Variants in STX6 observed in about 807,000 individuals in gnomAD.
The protein encoded by STX6 is syntaxin-6.
Under a neutral mutation model 38.0 loss-of-function variants are expected in STX6, and 23 were observed. That is an observed-to-expected ratio of 0.60 (90% CI 0.43 to 0.86). The LOEUF (loss-of-function observed/expected upper bound fraction) is 0.86, where lower values mean the gene tolerates loss of function less well. STX6 is among the 40% of genes least tolerant of loss of function. The probability of loss-of-function intolerance (pLI) is 0.00; values close to 1 mark genes in which losing one functional copy is unlikely to be tolerated. For synonymous variants in STX6, 123 were observed against 107.5 expected (o/e 1.14, Z -0.89); for missense variants, 274 against 312.9 (o/e 0.88, Z 0.94).
intron 2 of STX6, among the ~76,000 whole-genome samples, chr1:181,003,676 T>C (rs937413248): frequency 3.3e-5 from 5 of 152,222 alleles, no homozygotes; most frequent in African/African-American, 1.2e-4. Flanking sequence ...CAGAAGCTGG[T>C]TTCCTTATGT....
chr1:180,984,344 G>A (rs979992103), intron 7 of STX6, among the ~76,000 whole-genome samples: 2 of 152,038 alleles, frequency 1.3e-5, no homozygotes, highest in Non-Finnish European at 1.5e-5. Flanking sequence ...TCAGGAGTTC[G>A]AGACTAGCCT....
At chr1:181,012,393 G>A (rs909227508) in intron 1 of STX6, among the ~76,000 whole-genome samples, 4 of 152,182 alleles carry the variant, frequency 2.6e-5, no homozygotes, top group African/African-American at 9.6e-5. Flanking sequence ...CCAAGAGCCA[G>A]TGTTGGCAAT....
chr1:181,020,214 CA>C (rs113021127), intron 1 of STX6, among the ~76,000 whole-genome samples: 197 of 136,740 alleles, frequency 1.4e-3, no homozygotes, highest in South Asian at 8.3e-3. Flanking sequence ...GACTCTGTCT[CA>C]AAAAAAAAAA....
At chr1:180,996,163 C>T (rs566347998) in intron 3 of STX6, among the ~76,000 whole-genome samples, 1 of 151,978 alleles carries the variant, frequency 6.6e-6, no homozygotes, top group East Asian at 1.9e-4. Context: ...ATTCCACTAA[C>T]AGGAATTTAT....
At chr1:181,013,027 T>G (rs1360196967) in intron 1 of STX6, among the ~76,000 whole-genome samples, 1 of 152,154 alleles carries the variant, frequency 6.6e-6, no homozygotes, top group Non-Finnish European at 1.5e-5. Context: ...CAACCTCATT[T>G]ATTTTTGAAG....
intron 3 of STX6, among the ~76,000 whole-genome samples, chr1:180,994,968 A>ATT (rs35603304): frequency 1.4e-5 from 2 of 144,626 alleles, no homozygotes; most frequent in South Asian, 4.4e-4. Flanking sequence ...TTAAAAAAAA[A>ATT]TTTTTTTTTT....
chr1:181,021,670 A>G (rs1169203995), intron 1 of STX6, among the ~76,000 whole-genome samples: 1 of 152,216 alleles, frequency 6.6e-6, no homozygotes, highest in African/African-American at 2.4e-5. Flanking sequence ...TAAGAAACTA[A>G]AAGTTACATC....
intron 1 of STX6, among the ~76,000 whole-genome samples, chr1:181,019,196 T>C (rs939191007): frequency 2.0e-5 from 3 of 152,322 alleles, no homozygotes; most frequent in Admixed American, 1.3e-4. Flanking sequence ...TGGGCTGCTC[T>C]TCCAGATCAT....
chr1:180,976,634 C>G lies in STX6; in HGVS notation c.704G>C (p.Trp235Ser), dbSNP rs781767662. ...TGCAAAGAGGATGGCTATGGCACAC[C>G]ATTGGCGCCGATCTGGAAGGCAGGA... ...VSHMTSDRRQWCAIAILFAVL... is the reference protein window; with the variant it reads ...VSHMTSDRRQSCAIAILFAVL... Residue 235 changes from tryptophan (W) to serine (S), a missense_variant, in exon 8 of 8, where the codon TGG becomes TCG. Physicochemically the swap from Trp to Ser is radical, Grantham distance 177. Coordinates refer to ENST00000258301, the MANE Select transcript of STX6 (RefSeq NM_005819.6). 6.2e-7 allele frequency: 1 copy of G among 1,613,542 alleles called. No homozygotes were observed. The highest frequency in any genetic ancestry group is 8.5e-7 in the Non-Finnish European group (1 of 1,180,004).
At chr1:180,994,776 T>C (rs578037945) in intron 3 of STX6, among the ~76,000 whole-genome samples, 15 of 152,256 alleles carry the variant, frequency 9.9e-5, no homozygotes, top group Non-Finnish European at 1.9e-4. Flanking sequence ...GTGACTATAG[T>C]TCAACAATAA....
intron 1 of STX6, among the ~76,000 whole-genome samples, chr1:181,006,874 G>C (rs915292989): frequency 2.0e-5 from 3 of 152,192 alleles, no homozygotes; most frequent in African/African-American, 7.2e-5. Context: ...GAGTAAATAA[G>C]CAAACTATAT....
In STX6 at chr1:180,997,803, ACAG is replaced by A. The variant is rs201780549; in HGVS notation, c.301-4381_301-4379del. 4.7e-3 allele frequency among the ~76,000 whole-genome samples: 720 copies of A among 152,330 alleles called. 4 individuals are homozygous for A. The highest frequency in any genetic ancestry group is 0.031 in the Middle Eastern group (9 of 294). On this transcript the variant is annotated intron_variant, in intron 3 of 7. Coordinates refer to ENST00000258301, the MANE Select transcript of STX6 (RefSeq NM_005819.6). Reference sequence around the variant, plus strand: ...TGTAATTTTTCATAGAAAAAAAGTTACAGATTATCATGCCACTGCTTTTTAAAA... The same window carrying A: ...TGTAATTTTTCATAGAAAAAAAGTTAATTATCATGCCACTGCTTTTTAAAA...
intron 4 of STX6, 41 bp downstream of exon 4, chr1:180,993,322 T>C (rs1410532038): frequency 8.8e-7 from 1 of 1,135,964 alleles, no homozygotes; most frequent in Non-Finnish European, 1.3e-6. Context: ...TCTAACTGTA[T>C]GCTTTCTGTC....
chr1:181,012,543 G>A lies in STX6; in HGVS notation c.36-7080C>T, dbSNP rs117390582. On this transcript the variant is annotated intron_variant, in intron 1 of 7. Transcript: ENST00000258301. The stretch of plus-strand genomic sequence containing the variant: ...ATGGCAAGTCACCACAATGCCCACA[G>A]GACCACTTGCAATGCAGAACTTTCC... Among the ~76,000 whole-genome samples the A allele has an allele frequency of 2.1e-4, 32 of 152,132 alleles. No homozygotes were observed. The East Asian group carries it at 4.8e-3, about 23-fold the overall frequency.
At chr1:181,018,843 A>C (rs1656644200) in intron 1 of STX6, among the ~76,000 whole-genome samples, 1 of 152,220 alleles carries the variant, frequency 6.6e-6, no homozygotes, top group South Asian at 2.1e-4. Flanking sequence ...TGCTTTAAAA[A>C]TCTGTAATGG....
At chr1:180,978,492 C>T (rs565257984) in intron 7 of STX6, among the ~76,000 whole-genome samples, 4 of 152,240 alleles carry the variant, frequency 2.6e-5, no homozygotes, top group South Asian at 4.2e-4. Flanking sequence ...CGAAGGGGAC[C>T]CCCACACTTC....
At chr1:181,014,395 AAAAAAAAAAAG>A (rs1238498894) in intron 1 of STX6, among the ~76,000 whole-genome samples, 1 of 14,108 alleles carries the variant, frequency 7.1e-5, no homozygotes, top group Admixed American at 7.2e-4. Flanking sequence ...CTCCATCTCA[AAAAAAAAAAAG>A]AAAAAAAAAG....
chr1:180,991,840 C>T (rs1655763969), intron 4 of STX6, among the ~76,000 whole-genome samples: 1 of 151,846 alleles, frequency 6.6e-6, no homozygotes, highest in African/African-American at 2.4e-5. Context: ...TGCAACTTGA[C>T]ATTTCACTCA....
chr1:181,018,407 AAAAAAAAG>A (rs1656626701), intron 1 of STX6, among the ~76,000 whole-genome samples: 1 of 147,084 alleles, frequency 6.8e-6, no homozygotes, highest in African/African-American at 2.6e-5. Flanking sequence ...AAAAAAAAAA[AAAAAAAAG>A]AAAAGAAAAA....
Sources: allele counts gnomAD v4.1 joint callset (sites outside exome capture counted in the v4.1 genomes callset), GRCh38; gene constraint gnomAD v4.1.1; transcripts MANE v1.5; gene names NCBI Gene and HGNC (gene_info 2026-07-23, HGNC 2026-07-21).